The following RAD51B variants were observed in gnomAD, a reference collection of about 807,000 sequenced individuals.
The protein encoded by RAD51B is DNA repair protein RAD51 homolog 2.
In RAD51B, 38 loss-of-function variants were observed where a neutral mutation model predicts 42.2. The observed-to-expected ratio is 0.90, with a 90% CI of 0.70 to 1.18. RAD51B has a LOEUF of 1.18. Ranked by LOEUF, RAD51B falls within the 50% of genes most tolerant of loss-of-function variation. RAD51B has a pLI of 0.00. For missense variants in RAD51B, 373 were observed against 400.7 expected, an observed-to-expected ratio of 0.93 and a Z score of 0.59; for synonymous variants, 154 against 145.2, an observed-to-expected ratio of 1.06 and a Z score of -0.43.
intron 7 of RAD51B, among the ~76,000 whole-genome samples, chr14:68,120,748 G>T (rs939536620): frequency 3.3e-5 from 5 of 152,022 alleles, no homozygotes; most frequent in Non-Finnish European, 5.9e-5. Flanking sequence ...CCCGGGCTCT[G>T]TCTGCTATCC....
At position 67,846,873 on chromosome 14, in the gene RAD51B, C is replaced by T. The variant is rs142800022; in HGVS notation, c.315+11677C>T. Among the ~76,000 whole-genome samples the T allele has an allele frequency of 1.3e-3, 198 of 152,288 alleles. 1 individual carries two copies. Among genetic ancestry groups the T allele is most frequent in the African/African-American group, 4.4e-3 (184 of 41,562 alleles). On this transcript the variant is annotated intron_variant, in intron 4 of 10. Transcript: ENST00000471583. ...TGGTTGTGCTCCACTGCAGACATTA[C>T]TGCACCAAACCCTCTGGGTTCCACA... is the stretch of plus-strand genomic sequence containing the variant.
chr14:68,150,148 T>C (rs995305699), intron 7 of RAD51B, among the ~76,000 whole-genome samples: 2 of 152,222 alleles, frequency 1.3e-5, no homozygotes, highest in Non-Finnish European at 2.9e-5. Context: ...TTTCACCATG[T>C]TGGTCAGGCT....
At chr14:68,451,804 T>C (rs758930076) in intron 9 of RAD51B, among the ~76,000 whole-genome samples, 1 of 152,134 alleles carries the variant, frequency 6.6e-6, no homozygotes, top group South Asian at 2.1e-4. Context: ...TGACCAGCTG[T>C]TTTTGGATGT....
Position 67,989,561 on chromosome 14 carries a change from C to CTGGG in RAD51B, c.756+102358_756+102361dup, listed in dbSNP as rs1275900116. 9.9e-5 allele frequency among the ~76,000 whole-genome samples: 14 copies of CTGGG among 141,010 alleles called. No individual in the cohort carries two copies. In the East Asian group the frequency reaches 2.9e-3, roughly 29 times the overall value. 92.5% of individuals were successfully genotyped at this position (141,010 alleles called of 152,430 possible). A position where few individuals can be genotyped will look rare whatever the true frequency, so the allele number is the denominator to read the frequency against. On this transcript the variant is annotated intron_variant, in intron 7 of 10. Coordinates refer to ENST00000471583, the MANE Select transcript of RAD51B (RefSeq NM_133510.4). Reference sequence around the variant, plus strand: ...GCTGAGGCAGGAGAATCACTTGAACCTGGGAGGTGGTTGTGGTGACCCAAG... The same window carrying CTGGG: ...GCTGAGGCAGGAGAATCACTTGAACCTGGGTGGGAGGTGGTTGTGGTGACCCAAG...
chr14:68,200,110 A>G (rs1245583255), intron 7 of RAD51B, among the ~76,000 whole-genome samples: 1 of 152,212 alleles, frequency 6.6e-6, no homozygotes, highest in Non-Finnish European at 1.5e-5. Flanking sequence ...GGAATTCATT[A>G]GAGAAACAGA....
At chr14:68,410,912 T>C (rs1215871185) in intron 8 of RAD51B, among the ~76,000 whole-genome samples, 1 of 151,432 alleles carries the variant, frequency 6.6e-6, no homozygotes, top group East Asian at 1.9e-4. Flanking sequence ...GCTGAGATCT[T>C]CTAGATTCCT....
intron 7 of RAD51B, among the ~76,000 whole-genome samples, chr14:68,170,149 G>C (rs2078840868): frequency 6.6e-6 from 1 of 152,140 alleles, no homozygotes; most frequent in South Asian, 2.1e-4. Context: ...CTCCAGTGTA[G>C]GAGGGAACCT....
chr14:68,529,399 T>C (rs1304558018), intron 10 of RAD51B, among the ~76,000 whole-genome samples: 1 of 152,232 alleles, frequency 6.6e-6, no homozygotes, highest in East Asian at 1.9e-4. Flanking sequence ...GGTTTCGCCA[T>C]GTTGGCCAGG....
chr14:68,377,741 G>A (rs893467689), intron 8 of RAD51B, among the ~76,000 whole-genome samples: 14 of 152,348 alleles, frequency 9.2e-5, no homozygotes, highest in Admixed American at 2.0e-4. Context: ...AGCAGCCTGG[G>A]CTTGTGCCCC....
At chr14:67,871,440 A>G (rs1344178588) in intron 5 of RAD51B, among the ~76,000 whole-genome samples, 1 of 152,244 alleles carries the variant, frequency 6.6e-6, no homozygotes, top group Non-Finnish European at 1.5e-5. Flanking sequence ...TTGTGGCAGT[A>G]ATCAATAGCT....
chr14:68,472,795 C>A (rs1305805064), intron 10 of RAD51B, among the ~76,000 whole-genome samples: 1 of 152,198 alleles, frequency 6.6e-6, no homozygotes, highest in Non-Finnish European at 1.5e-5. Context: ...TCTCCAACCA[C>A]TTGGCATAGG....
At chr14:67,998,227 C>T (rs1347782832) in intron 7 of RAD51B, among the ~76,000 whole-genome samples, 8 of 152,262 alleles carry the variant, frequency 5.3e-5, no homozygotes, top group East Asian at 1.9e-4. Context: ...GCTTTTTTAA[C>T]GTTACATAAA....
At chr14:67,825,192 A>G (rs942214885) in intron 2 of RAD51B, among the ~76,000 whole-genome samples, 8 of 151,052 alleles carry the variant, frequency 5.3e-5, no homozygotes, top group Admixed American at 1.3e-4. Flanking sequence ...GCTCATACGC[A>G]CCTGGATTGG....
intron 7 of RAD51B, among the ~76,000 whole-genome samples, chr14:68,188,920 A>C (rs575787943): frequency 6.6e-6 from 1 of 152,054 alleles, no homozygotes; most frequent in South Asian, 2.1e-4. Context: ...GCTTTTTGCC[A>C]GCTTCTCTGC....
At chr14:68,119,067 C>T (rs1280452762) in intron 7 of RAD51B, among the ~76,000 whole-genome samples, 1 of 151,906 alleles carries the variant, frequency 6.6e-6, no homozygotes, top group African/African-American at 2.4e-5. Context: ...AGGTAATGCT[C>T]CCACCTCAGT....
chr14:67,886,724 G>A (rs897281782), intron 6 of RAD51B: 10 of 269,322 alleles, frequency 3.7e-5, no homozygotes, highest in Non-Finnish European at 6.3e-5. Context: ...CCAAGAGGAG[G>A]GAGTAAGTGT....
Position 68,420,184 on chromosome 14 carries a change from T to C in RAD51B, c.957+8657T>C, listed in dbSNP as rs761252821. On this transcript the variant is annotated intron_variant, in intron 9 of 10. Transcript: ENST00000471583. ...AGTTTGTATAGTTCCAGACCCTCAG[T>C]TCTTTTTCCTGTACCATGTGCTCTG... Among the ~76,000 whole-genome samples, 29 of 152,342 alleles carry C rather than the reference T, an allele frequency of 1.9e-4. 1 individual carries two copies. The highest frequency in any genetic ancestry group is 1.2e-3 in the Admixed American group (18 of 15,304).
chr14:68,362,110 A>G (rs2083037653), intron 8 of RAD51B, among the ~76,000 whole-genome samples: 2 of 152,230 alleles, frequency 1.3e-5, no homozygotes, highest in South Asian at 4.1e-4. Context: ...TAAAGGTTAT[A>G]AGAAGATACC....
At chr14:68,458,149 A>G (rs548452140) in intron 9 of RAD51B, among the ~76,000 whole-genome samples, 1 of 152,298 alleles carries the variant, frequency 6.6e-6, no homozygotes, top group South Asian at 2.1e-4. Context: ...AAACAAGTGT[A>G]ATAAAATTAT....
Sources: gnomAD v4.1 joint callset for allele counts (sites outside exome capture counted in the v4.1 genomes callset) on GRCh38, gnomAD v4.1.1 for gene constraint, MANE v1.5 for transcripts, NCBI Gene and HGNC (gene_info 2026-07-23, HGNC 2026-07-21) for gene names.